The following LRRC28 variants were observed in gnomAD, a reference collection of about 807,000 sequenced individuals.
LRRC28 encodes leucine rich repeat containing 28.
A neutral mutation model predicts 45.7 loss-of-function variants in LRRC28; 39 were observed. The observed-to-expected ratio is 0.85, with a 90% CI of 0.66 to 1.12. The LOEUF (loss-of-function observed/expected upper bound fraction) is 1.12, where lower values mean the gene tolerates loss of function less well. Ranked by LOEUF, LRRC28 falls within the 50% of genes most tolerant of loss-of-function variation. LRRC28 has a pLI of 0.00. For missense variants in LRRC28, 435 were observed against 438.5 expected (o/e 0.99, Z 0.07); for synonymous variants, 206 against 178.8 (o/e 1.15, Z -1.22).
intron 7 of LRRC28, chr15:99,355,261 T>A (rs553782643): frequency 6.6e-6 from 1 of 152,368 alleles, no homozygotes; most frequent in East Asian, 1.9e-4. Context: ...AATGTTTATC[T>A]TGATATGCAA....
At chr15:99,270,541 A>T (rs1009792941) in intron 2 of LRRC28, among the ~76,000 whole-genome samples, 33 of 151,376 alleles carry the variant, frequency 2.2e-4, no homozygotes, top group African/African-American at 7.3e-4. Flanking sequence ...AACTTTGTGT[A>T]TCTGGCTTCT....
chr15:99,299,346 C>G (rs2082340454), intron 5 of LRRC28, among the ~76,000 whole-genome samples: 1 of 151,866 alleles, frequency 6.6e-6, no homozygotes, highest in Non-Finnish European at 1.5e-5. Flanking sequence ...GTGACATGAT[C>G]AGAAAATTAT....
rs1958089215 is a variant in LRRC28 at position 99,388,306 on chromosome 15, C to CTTGG, written c.*2206_*2209dup. 1 of 152,208 alleles carries CTTGG rather than the reference C, an allele frequency of 6.6e-6. No individual in the cohort carries two copies. Among genetic ancestry groups the CTTGG allele is most frequent in the Non-Finnish European group, 1.5e-5 (1 of 68,038 alleles). The allele number at this position is 152,208 out of a possible 1,614,324, so 9.4% of individuals were successfully genotyped here. A position where few individuals can be genotyped will look rare whatever the true frequency, so the allele number is the denominator to read the frequency against. The stretch of plus-strand genomic sequence containing the variant: ...GGAATGGAGCTATGAAATGTGCTAA[C>CTTGG]TTGGTATTCAGGATTCTCATTGTGA... On this transcript the variant is annotated 3_prime_UTR_variant, in exon 10 of 10. Transcript: ENST00000301981.
intron 1 of LRRC28, among the ~76,000 whole-genome samples, chr15:99,254,384 A>G (rs949915910): frequency 6.6e-6 from 1 of 152,218 alleles, no homozygotes; most frequent in East Asian, 1.9e-4. Flanking sequence ...ATAGCCAGAA[A>G]ATTACAAAAC....
intron 2 of LRRC28, among the ~76,000 whole-genome samples, chr15:99,257,467 A>G (rs1421119833): frequency 6.6e-6 from 1 of 152,250 alleles, no homozygotes; most frequent in African/African-American, 2.4e-5. Context: ...TATCTGCCAT[A>G]GCCCAATGGG....
At position 99,288,521 on chromosome 15, in the gene LRRC28, A is replaced by C. The variant is rs1051548508; in HGVS notation, c.385+570A>C. On this transcript the variant is annotated intron_variant, in intron 5 of 9. Coordinates refer to ENST00000301981, the MANE Select transcript of LRRC28 (RefSeq NM_144598.5). Reference sequence around the variant, plus strand: ...CTCAGCCTCCTGAGTAGCTGAGATTACAGGCGCGTGCCACCACACCCAGCT... The same window carrying C: ...CTCAGCCTCCTGAGTAGCTGAGATTCCAGGCGCGTGCCACCACACCCAGCT... Among the ~76,000 whole-genome samples the C allele has an allele frequency of 6.6e-5, 10 of 151,790 alleles. No homozygotes were observed. The South Asian group carries it at 2.1e-3, about 32-fold the overall frequency.
chr15:99,374,207 T>C (rs919363384), intron 9 of LRRC28, among the ~76,000 whole-genome samples: 8 of 152,158 alleles, frequency 5.3e-5, no homozygotes, highest in African/African-American at 1.9e-4. Flanking sequence ...ATATATGCTA[T>C]GTTGAGTTTT....
Position 99,343,896 on chromosome 15 carries a change from A to G in LRRC28, c.593-8473A>G, listed in dbSNP as rs111275642. Among the ~76,000 whole-genome samples, 132 of 152,162 alleles carry G rather than the reference A, an allele frequency of 8.7e-4. 2 individuals carry two copies. The highest frequency in any genetic ancestry group is 3.0e-3 in the African/African-American group (125 of 41,494). ...TCATAATGATTACGAATGCCATTCC[A>G]TTGTGCTTGGGGGTTTTTGCCAGCC... On this transcript the variant is annotated intron_variant, in intron 6 of 9. Transcript: ENST00000301981.
chr15:99,377,218 AC>A (rs1957666994), intron 9 of LRRC28, among the ~76,000 whole-genome samples: 1 of 151,518 alleles, frequency 6.6e-6, no homozygotes, highest in Admixed American at 6.6e-5. Flanking sequence ...TTGTTTCCTG[AC>A]TTTTTAATGA....
intron 2 of LRRC28, among the ~76,000 whole-genome samples, chr15:99,262,586 A>G (rs1403961709): frequency 1.3e-5 from 2 of 152,208 alleles, no homozygotes; most frequent in African/African-American, 4.8e-5. Flanking sequence ...GGTCTCAAAA[A>G]AAATTTTTTT....
At chr15:99,306,019 T>C (rs1381562439) in intron 5 of LRRC28, among the ~76,000 whole-genome samples, 2 of 152,236 alleles carry the variant, frequency 1.3e-5, no homozygotes, top group African/African-American at 4.8e-5. Flanking sequence ...AGAATACTTT[T>C]GTTAAACATT....
chr15:99,314,924 C>G (rs1382280410), intron 5 of LRRC28, among the ~76,000 whole-genome samples: 1 of 152,084 alleles, frequency 6.6e-6, no homozygotes, highest in Non-Finnish European at 1.5e-5. Context: ...TAGCTAAAGA[C>G]AAATGTAAAT....
chr15:99,356,442 A>G (rs1372228902), intron 7 of LRRC28, among the ~76,000 whole-genome samples: 1 of 152,234 alleles, frequency 6.6e-6, no homozygotes. Flanking sequence ...AATGGTTGGA[A>G]CAGAGGAAAT....
rs561910311 is a variant in LRRC28 at position 99,263,872 on chromosome 15, T to G, written c.168+7747T>G. Among the ~76,000 whole-genome samples the G allele has an allele frequency of 2.2e-4, 33 of 152,298 alleles. 1 individual carries two copies. In the South Asian group the frequency reaches 4.6e-3, roughly 21 times the overall value. ...ATCATGGAACAGCTGCTGCTTCTTA[T>G]GGAATTTTCATTTGTTGGAATTTCA... On this transcript the variant is annotated intron_variant, in intron 2 of 9. Coordinates refer to ENST00000301981, the MANE Select transcript of LRRC28 (RefSeq NM_144598.5).
In LRRC28 at chr15:99,257,968, G is replaced by T. The variant is rs143049906; in HGVS notation, c.168+1843G>T. On this transcript the variant is annotated intron_variant, in intron 2 of 9. Transcript: ENST00000301981. The stretch of plus-strand genomic sequence containing the variant: ...ATTCTGACGCTTTAGTTAAGATAAG[G>T]CTGATATCACTGACTAATGAAAATG... 2.1e-4 allele frequency: 167 copies of T among 805,704 alleles called. No homozygotes were observed. The Middle Eastern group carries it at 2.6e-3, about 12-fold the overall frequency. The allele number at this position is 805,704 out of a possible 1,614,324, so 49.9% of individuals were successfully genotyped here.
In LRRC28 at chr15:99,383,749, G is replaced by A. The variant is rs564180091; in HGVS notation, c.1032-2281G>A. Among the ~76,000 whole-genome samples, 17 of 152,196 alleles carry A rather than the reference G, an allele frequency of 1.1e-4. 1 individual carries two copies. The South Asian group carries it at 3.3e-3, about 30-fold the overall frequency. On this transcript the variant is annotated intron_variant, in intron 9 of 9. Coordinates refer to ENST00000301981, the MANE Select transcript of LRRC28 (RefSeq NM_144598.5). ...GCTTAGGGAAGAAAAAGACTTCTTG[G>A]CCCTCCTGGAGATTTTCAGGAGGTG...
chr15:99,345,102 C>A (rs1956637296), intron 6 of LRRC28, among the ~76,000 whole-genome samples: 1 of 152,132 alleles, frequency 6.6e-6, no homozygotes, highest in Non-Finnish European at 1.5e-5. Context: ...GCAATTCTCA[C>A]TAAACCTGAG....
At chr15:99,301,202 A>G (rs1201156295) in intron 5 of LRRC28, among the ~76,000 whole-genome samples, 1 of 152,184 alleles carries the variant, frequency 6.6e-6, no homozygotes, top group Non-Finnish European at 1.5e-5. Flanking sequence ...CTAAGAGTCA[A>G]ATATTTGTAT....
At chr15:99,313,565 C>A (rs993917232) in intron 5 of LRRC28, among the ~76,000 whole-genome samples, 1 of 152,142 alleles carries the variant, frequency 6.6e-6, no homozygotes, top group Non-Finnish European at 1.5e-5. Context: ...TTCAAAAGAA[C>A]TTGATTCCTT....
Sources: allele counts gnomAD v4.1 joint callset (sites outside exome capture counted in the v4.1 genomes callset), GRCh38; gene constraint gnomAD v4.1.1; transcripts MANE v1.5; gene names NCBI Gene and HGNC (gene_info 2026-07-23, HGNC 2026-07-21).